INTS7: variants seen among roughly 807,000 people sequenced by gnomAD.
The protein encoded by INTS7 is chromosome 1 open reading frame 73.
A neutral mutation model predicts 109.2 loss-of-function variants in INTS7; 46 were observed. The ratio of observed to expected loss-of-function variants is 0.42; its 90% CI spans 0.33 to 0.54. INTS7 has a LOEUF of 0.54. Among genes scored for constraint, INTS7 ranks in the 20% least tolerant of loss-of-function variants. The probability of loss-of-function intolerance (pLI) is 0.07; values close to 1 mark genes in which losing one functional copy is unlikely to be tolerated. For missense variants in INTS7, 929 were observed against 1,132.4 expected (o/e 0.82, Z 2.58); for synonymous variants, 412 against 402.9 (o/e 1.02, Z -0.27).
intron 1 of INTS7, among the ~76,000 whole-genome samples, chr1:212,034,520 A>G (rs1667330889): frequency 6.6e-6 from 1 of 152,186 alleles, no homozygotes; most frequent in East Asian, 1.9e-4. Context: ...GTACAATAAA[A>G]ATCCTCAATA....
chr1:211,982,305 C>A (rs1263274584), intron 9 of INTS7, among the ~76,000 whole-genome samples: 1 of 152,022 alleles, frequency 6.6e-6, no homozygotes, highest in Non-Finnish European at 1.5e-5. Flanking sequence ...TTATTTAAGT[C>A]CCTGGAGAAC....
intron 3 of INTS7, 72 bp from the exon 4 acceptor site, chr1:212,017,095 C>A: frequency 1.6e-6 from 2 of 1,271,316 alleles, no homozygotes; most frequent in Admixed American, 2.7e-5. Context: ...AGAGGCAAGG[C>A]AAAGTCAGAT....
At chr1:211,982,422 GGTAA>G (rs1664705224) in intron 9 of INTS7, among the ~76,000 whole-genome samples, 1 of 152,008 alleles carries the variant, frequency 6.6e-6, no homozygotes, top group African/African-American at 2.4e-5. Flanking sequence ...TATATGCAAA[GGTAA>G]GCAGTGGAAG....
At position 211,952,620 on chromosome 1, in the gene INTS7, G is replaced by A; in HGVS notation, c.2265C>T (p.Val755=). ...GATTGAGTGATTCTACCTCCTCCAA[G>A]ACATGATTATATACAGACATCATTC... ...ERRMMSVYNH[V]LEEVESLNRK... Residue 755 remains valine, a synonymous_variant, in exon 17 of 20, where the codon GTC becomes GTT. Coordinates refer to ENST00000366994, the MANE Select transcript of INTS7 (RefSeq NM_015434.4). 6.2e-7 allele frequency: 1 copy of A among 1,612,628 alleles called. No individual in the cohort carries two copies. Among genetic ancestry groups the A allele is most frequent in the Non-Finnish European group, 8.5e-7 (1 of 1,178,962 alleles).
intron 4 of INTS7, among the ~76,000 whole-genome samples, 154 bp downstream of exon 4, chr1:212,016,732 T>C (rs1166080811): frequency 6.6e-6 from 1 of 152,238 alleles, no homozygotes; most frequent in African/African-American, 2.4e-5. Context: ...TAAGTCTTGT[T>C]TCCCCAACAT....
chr1:211,984,651 A>G (rs180769209), intron 8 of INTS7, among the ~76,000 whole-genome samples: 4 of 152,254 alleles, frequency 2.6e-5, no homozygotes, highest in Admixed American at 2.6e-4. Context: ...CAAGGCTTAC[A>G]AGGTACAACA....
chr1:211,995,401 A>G (rs1665335444), intron 7 of INTS7, among the ~76,000 whole-genome samples: 1 of 152,232 alleles, frequency 6.6e-6, no homozygotes, highest in African/African-American at 2.4e-5. Flanking sequence ...CCTGACAGCA[A>G]TAACTTCAGC....
At position 211,991,210 on chromosome 1, in the gene INTS7, T is replaced by G. The variant is rs77128056; in HGVS notation, c.880-3207A>C. Among the ~76,000 whole-genome samples, 33 of 152,062 alleles carry G rather than the reference T, an allele frequency of 2.2e-4. 1 individual carries two copies. Among genetic ancestry groups the G allele is most frequent in the African/African-American group, 7.7e-4 (32 of 41,480 alleles). Reference sequence around the variant, plus strand: ...CCAATTTTAGAAAAAGGACAGAAAATAGGATGAGATATGAAGTCCAAGAAG... The same window carrying G: ...CCAATTTTAGAAAAAGGACAGAAAAGAGGATGAGATATGAAGTCCAAGAAG... On this transcript the variant is annotated intron_variant, in intron 7 of 19. Coordinates refer to ENST00000366994, the MANE Select transcript of INTS7 (RefSeq NM_015434.4).
At chr1:211,954,129 C>T (rs1454510258) in intron 16 of INTS7, among the ~76,000 whole-genome samples, 3 of 152,182 alleles carry the variant, frequency 2.0e-5, no homozygotes, top group South Asian at 4.1e-4. Flanking sequence ...GTGGTTTTGA[C>T]TTGCATTTCT....
chr1:212,014,806 A>G (rs1479592996), intron 4 of INTS7, among the ~76,000 whole-genome samples: 1 of 152,120 alleles, frequency 6.6e-6, no homozygotes. Context: ...GGGCCTCCCG[A>G]GGTGCCGGGA....
At chr1:211,967,381 G>A (rs1015704235) in intron 15 of INTS7, among the ~76,000 whole-genome samples, 2 of 150,320 alleles carry the variant, frequency 1.3e-5, no homozygotes, top group African/African-American at 2.5e-5. Flanking sequence ...GAACCCAGGA[G>A]GCAGAGGTTG....
rs1464248760 is a variant in INTS7, at chr1:212,006,676, T to C, written c.842A>G (p.Asn281Ser). 1.9e-6 allele frequency: 3 copies of C among 1,589,148 alleles called. No individual in the cohort carries two copies. The highest frequency in any genetic ancestry group is 1.3e-5 in the African/African-American group (1 of 74,418). ...CCTACTCCAAGTATGTGGTGTTTTA[T>C]TAGCAAGTAATTTCAGATCTTGAAT... ...LAIQDLKLLA[N>S]KTPHTWSREN... The change falls in exon 7 of 20, where the codon AAT (asparagine) becomes AGT (serine). Residue 281 changes from asparagine to serine, a missense_variant. Physicochemically the swap from Asn to Ser is conservative, Grantham distance 46 (BLOSUM62 1). Coordinates refer to ENST00000366994, the MANE Select transcript of INTS7 (RefSeq NM_015434.4).
At position 211,946,674 on chromosome 1, in the gene INTS7, G is replaced by A. The variant is rs556222113; in HGVS notation, c.2348C>T (p.Ala783Val). Residue 783 changes from alanine to valine, a missense_variant, in exon 18 of 20, where the codon GCT becomes GTT. Ala to Val is a moderately conservative substitution (Grantham distance 64). Transcript: ENST00000366994. This position sits in a 1 kb window ranked among gnomAD's most constrained non-coding sequence, Gnocchi z 4.3. ...GAAAGAAAGGGGAACTTTCAGCAAA[G>A]CAATGATGGCATTGCAGAGGCATGC... ...HTACLCNAII[A>V]LLKVPLSFQR... 6.2e-7 allele frequency: 1 copy of A among 1,613,318 alleles called. No individual in the cohort carries two copies. The highest frequency in any genetic ancestry group is 1.1e-5 in the South Asian group (1 of 91,064).
chr1:212,015,053 C>T (rs1414739135), intron 4 of INTS7, among the ~76,000 whole-genome samples: 1 of 151,456 alleles, frequency 6.6e-6, no homozygotes, highest in African/African-American at 2.4e-5. Flanking sequence ...AGGTGAGGAG[C>T]GCCTCCGCCC....
chr1:211,971,126 A>G (rs988592966), intron 13 of INTS7, among the ~76,000 whole-genome samples: 1 of 152,252 alleles, frequency 6.6e-6, no homozygotes, highest in East Asian at 1.9e-4. Flanking sequence ...CTTGAGTACT[A>G]CTGACATTCT....
intron 16 of INTS7, among the ~76,000 whole-genome samples, chr1:211,962,261 A>T (rs1454211063): frequency 3.8e-5 from 1 of 25,992 alleles, no homozygotes; most frequent in Non-Finnish European, 1.1e-4. Flanking sequence ...AACAAAGATT[A>T]AAAAAAAAAA....
chr1:212,006,408 G>A (rs1290739793), intron 7 of INTS7, among the ~76,000 whole-genome samples: 1 of 152,130 alleles, frequency 6.6e-6, no homozygotes, highest in Non-Finnish European at 1.5e-5. Context: ...GAATGAACAA[G>A]CAACTGAGTG....
chr1:211,993,058 G>C (rs1050202285), intron 7 of INTS7, among the ~76,000 whole-genome samples: 1 of 152,168 alleles, frequency 6.6e-6, no homozygotes, highest in Non-Finnish European at 1.5e-5. Context: ...AATAGGACTG[G>C]TCACCAGGGA....
chr1:212,032,009 T>C (rs571817566), intron 1 of INTS7, among the ~76,000 whole-genome samples: 8 of 152,334 alleles, frequency 5.3e-5, no homozygotes, highest in Middle Eastern at 3.4e-3. Context: ...TCATCTCCAT[T>C]TGGATGTCTA....
Sources: gnomAD v4.1 joint callset for allele counts (sites outside exome capture counted in the v4.1 genomes callset) on GRCh38, gnomAD v4.1.1 for gene constraint, Gnocchi (gnomAD v3.1) non-coding constraint, MANE v1.5 for transcripts, NCBI Gene and HGNC (gene_info 2026-07-23, HGNC 2026-07-21) for gene names.